Variants in COL19A1 observed in about 807,000 individuals in gnomAD.
COL19A1 encodes the protein collagen type XIX alpha 1 chain.
COL19A1 carries 159 observed loss-of-function variants against 190.2 expected under a neutral mutation model. The observed-to-expected ratio is 0.84, with a 90% CI of 0.73 to 0.95. The LOEUF (loss-of-function observed/expected upper bound fraction) is 0.95. Ranked by LOEUF, COL19A1 falls within the 40% of genes least tolerant of loss-of-function variation. The pLI is 0.00. For missense variants in COL19A1, 1,418 were observed against 1,431.9 expected, an observed-to-expected ratio of 0.99 and a Z score of 0.16; for synonymous variants, 509 against 458.9, an observed-to-expected ratio of 1.11 and a Z score of -1.39.
At chr6:70,149,282 A>T (rs1376590695) in intron 27 of COL19A1, among the ~76,000 whole-genome samples, 1 of 152,074 alleles carries the variant, frequency 6.6e-6, no homozygotes, top group African/African-American at 2.4e-5. Context: ...TTAGTGTTTT[A>T]CCTCCTACTC....
intron 12 of COL19A1, among the ~76,000 whole-genome samples, chr6:70,024,014 A>G (rs1370705035): frequency 6.6e-6 from 1 of 151,782 alleles, no homozygotes; most frequent in Non-Finnish European, 1.5e-5. Context: ...TTCACTTTTC[A>G]TCTCAGTCCA....
chr6:70,111,828 T>C (rs1423905245), intron 16 of COL19A1, among the ~76,000 whole-genome samples: 1 of 152,142 alleles, frequency 6.6e-6, no homozygotes. Context: ...CATCACACAT[T>C]TGAGTTGAAA....
At position 69,907,091 on chromosome 6, in the gene COL19A1, G is replaced by GATTATT. The variant is rs1313098438; in HGVS notation, c.266+6766_266+6771dup. ...TACACGGACCTTTACACTATCTTCA[G>GATTATT]ATTATTATTATTATTATTTTTTTTT... is the stretch of plus-strand genomic sequence containing the variant. On this transcript the variant is annotated intron_variant, in intron 4 of 50. Transcript: ENST00000620364. Among the ~76,000 whole-genome samples, 154 of 132,516 alleles carry GATTATT rather than the reference G, an allele frequency of 1.2e-3. 2 individuals are homozygous for GATTATT. Among genetic ancestry groups the GATTATT allele is most frequent in the East Asian group, 2.4e-3 (11 of 4,666 alleles). The allele number at this position is 132,516 out of a possible 152,430, so 86.9% of individuals were successfully genotyped here.
intron 11 of COL19A1, among the ~76,000 whole-genome samples, chr6:69,985,435 G>A (rs1252906861): frequency 1.3e-5 from 2 of 152,172 alleles, no homozygotes; most frequent in East Asian, 1.9e-4. Context: ...GGGGGTGAAG[G>A]ATGAGAGATG....
chr6:70,142,304 C>A (rs1469061346), intron 22 of COL19A1, among the ~76,000 whole-genome samples: 1 of 152,160 alleles, frequency 6.6e-6, no homozygotes, highest in African/African-American at 2.4e-5. Context: ...AGCATATTCA[C>A]AATAGCATCC....
At chr6:69,946,291 A>T (rs1475616979) in intron 9 of COL19A1, among the ~76,000 whole-genome samples, 1 of 152,120 alleles carries the variant, frequency 6.6e-6, no homozygotes, top group Non-Finnish European at 1.5e-5. Flanking sequence ...AAGAGAATGT[A>T]TCCTTATTTT....
At position 70,176,526 on chromosome 6, in the gene COL19A1, CG is replaced by C; in HGVS notation, c.2630del (p.Arg877GlnfsTer9). ...TGTTTTTAAATCCCAACAGGGAGAT[CG>C]AGGCCCAGCAGGTCCCCCAGGAATA... ...LEGFPGVKGD[R>X]GPAGPPGIAG... On this transcript the variant is annotated frameshift_variant, in exon 42 of 51. Transcript: ENST00000620364. LOFTEE classifies it high-confidence loss of function. 1.2e-6 allele frequency: 2 copies of C among 1,613,444 alleles called. No individual in the cohort carries two copies. Among genetic ancestry groups the C allele is most frequent in the Admixed American group, 3.3e-5 (2 of 59,964 alleles).
At chr6:70,179,710 C>T (rs774003019) in intron 42 of COL19A1, among the ~76,000 whole-genome samples, 125 of 152,198 alleles carry the variant, frequency 8.2e-4, no homozygotes, top group Non-Finnish European at 1.7e-3. Context: ...AGAGGGATGT[C>T]CAATAATGAT....
chr6:69,987,598 A>C (rs1267070906), intron 11 of COL19A1, among the ~76,000 whole-genome samples: 3 of 152,202 alleles, frequency 2.0e-5, no homozygotes, highest in Non-Finnish European at 2.9e-5. Context: ...GTGCTTGTGA[A>C]ATTTTCCAAA....
intron 48 of COL19A1, among the ~76,000 whole-genome samples, chr6:70,191,286 T>C (rs916159235): frequency 6.6e-6 from 1 of 152,212 alleles, no homozygotes; most frequent in Non-Finnish European, 1.5e-5. Flanking sequence ...AAATGAGGTG[T>C]TTCTCATTAT....
At chr6:70,114,193 T>C (rs1472751669) in intron 16 of COL19A1, among the ~76,000 whole-genome samples, 1 of 152,150 alleles carries the variant, frequency 6.6e-6, no homozygotes, top group African/African-American at 2.4e-5. Flanking sequence ...ACCATTCTTT[T>C]CTTGGCCCTT....
chr6:70,083,768 G>A (rs1782417598), intron 15 of COL19A1, among the ~76,000 whole-genome samples: 1 of 152,102 alleles, frequency 6.6e-6, no homozygotes, highest in African/African-American at 2.4e-5. Context: ...ATGTTACCAG[G>A]ACTTAGAACC....
intron 11 of COL19A1, among the ~76,000 whole-genome samples, chr6:70,009,471 T>A (rs1203912375): frequency 6.6e-6 from 1 of 152,036 alleles, no homozygotes; most frequent in African/African-American, 2.4e-5. Flanking sequence ...TAAATAAATG[T>A]AGAGTTGATT....
At chr6:70,106,329 CGTGTGT>C (rs55854953) in intron 16 of COL19A1, among the ~76,000 whole-genome samples, 32 of 149,438 alleles carry the variant, frequency 2.1e-4, no homozygotes, top group African/African-American at 3.2e-4. Flanking sequence ...TAAGTGTGTG[CGTGTGT>C]GTGTGTGTGT....
intron 40 of COL19A1, among the ~76,000 whole-genome samples, chr6:70,169,160 G>A (rs545564357): frequency 2.6e-5 from 4 of 152,224 alleles, no homozygotes; most frequent in Admixed American, 1.3e-4. Flanking sequence ...TGCTTATTAG[G>A]AGGAATGTAT....
At chr6:69,957,244 G>A (rs924070697) in intron 9 of COL19A1, among the ~76,000 whole-genome samples, 2 of 152,090 alleles carry the variant, frequency 1.3e-5, no homozygotes, top group African/African-American at 4.8e-5. Flanking sequence ...AATATGCAGT[G>A]ATTACAAGGA....
chr6:69,970,153 TAAA>T (rs1775340333), intron 11 of COL19A1, among the ~76,000 whole-genome samples: 1 of 152,184 alleles, frequency 6.6e-6, no homozygotes, highest in Non-Finnish European at 1.5e-5. Flanking sequence ...CATTTTATAA[TAAA>T]TCTAACACAA....
chr6:70,181,108 T>G (rs1766150435), intron 44 of COL19A1, among the ~76,000 whole-genome samples: 1 of 152,192 alleles, frequency 6.6e-6, no homozygotes, highest in African/African-American at 2.4e-5. Context: ...AAGAATGTGC[T>G]GGGCCCTTAG....
chr6:70,049,753 T>C (rs978685324), intron 14 of COL19A1, among the ~76,000 whole-genome samples: 2 of 152,112 alleles, frequency 1.3e-5, no homozygotes, highest in African/African-American at 4.8e-5. Flanking sequence ...TCTAGAAAAA[T>C]AAATTAAAAT....
Sources: allele counts gnomAD v4.1 joint callset (sites outside exome capture counted in the v4.1 genomes callset), GRCh38; gene constraint gnomAD v4.1.1; transcripts MANE v1.5; gene names NCBI Gene and HGNC (gene_info 2026-07-23, HGNC 2026-07-21).